IFNL2: variants seen among roughly 807,000 people sequenced by gnomAD.
IFNL2 encodes interferon lambda 2, also known as interferon lambda-2.
In IFNL2, 17 loss-of-function variants were observed where a neutral mutation model predicts 18.7. The ratio of observed to expected loss-of-function variants is 0.91; its 90% CI spans 0.62 to 1.36. The LOEUF (loss-of-function observed/expected upper bound fraction) is 1.36. Among genes scored for constraint, IFNL2 ranks in the 40% most tolerant of loss-of-function variants. The pLI is 0.00. For synonymous variants in IFNL2, 96 were observed against 113.4 expected, an observed-to-expected ratio of 0.85 and a Z score of 0.98; for missense variants, 225 against 257.3, an observed-to-expected ratio of 0.87 and a Z score of 0.86.
rs769950521 is a variant in IFNL2 at position 39,269,180 on chromosome 19, G to C, written c.221G>C (p.Arg74Thr). Residue 74 changes from arginine (R) to threonine (T), a missense_variant, in exon 3 of 6, where the codon AGG becomes ACG. Physicochemically the swap from Arg to Thr is moderately conservative, Grantham distance 71 (BLOSUM62 -1). Transcript: ENST00000331982. ...GAGTCGCTTCTGCTGAAGGACTGCAGGTGCCACTCCCGCCTCTTCCCCAGG... is the reference window on the plus strand; with the variant it reads ...GAGTCGCTTCTGCTGAAGGACTGCACGTGCCACTCCCGCCTCTTCCCCAGG... ...LEESLLLKDC[R>T]CHSRLFPRTW... 8.7e-6 allele frequency: 14 copies of C among 1,611,314 alleles called. No individual in the cohort carries two copies. Among genetic ancestry groups the C allele is most frequent in the Non-Finnish European group, 1.2e-5 (14 of 1,178,864 alleles).
rs1372183888 is a variant in IFNL2 at position 39,269,654 on chromosome 19, TG to T, written c.420+20del. 1 of 1,612,820 alleles carries T rather than the reference TG, an allele frequency of 6.2e-7. No individual in the cohort carries two copies. Among genetic ancestry groups the T allele is most frequent in the African/African-American group, 1.3e-5 (1 of 74,760 alleles). ...CGGGCCTGTGTGAGTCGTTGGGGCCTGGGCACCCAGGTCTGTGAGCTCTGAG... is the reference window on the plus strand; with the variant it reads ...CGGGCCTGTGTGAGTCGTTGGGGCCTGGCACCCAGGTCTGTGAGCTCTGAG... On this transcript the variant is annotated intron_variant, in intron 4 of 5. Coordinates refer to ENST00000331982, the MANE Select transcript of IFNL2 (RefSeq NM_172138.2).
In IFNL2 at chr19:39,269,214, C is replaced by T. The variant is rs755853031; in HGVS notation, c.255C>T (p.Asp85=). The T allele has an allele frequency of 1.2e-6, 2 of 1,611,712 alleles. No homozygotes were observed. Among genetic ancestry groups the T allele is most frequent in the South Asian group, 2.2e-5 (2 of 90,530 alleles). ...CCCGCCTCTTCCCCAGGACCTGGGA[C>T]CTGAGGCAGCTGCAGGTGAGAGGGG... is the stretch of plus-strand genomic sequence containing the variant. ...CHSRLFPRTW[D]LRQLQVRERP... is the part of the protein sequence containing the mutation. The change falls in exon 3 of 6, where the codon GAC becomes GAT. Residue 85 remains aspartate (D), a synonymous_variant. Transcript: ENST00000331982.
At position 39,268,684 on chromosome 19, in the gene IFNL2, T is replaced by C. The variant is rs199818417; in HGVS notation, c.18T>C (p.Thr6=). 6,915 of 1,604,784 alleles carry C rather than the reference T, an allele frequency of 4.3e-3. 406 individuals are homozygous for C. In the African/African-American group the frequency reaches 0.073, roughly 17 times the overall value. The change falls in exon 2 of 6, where the codon ACT becomes ACC. Residue 6 remains threonine (T), a synonymous_variant. Transcript: ENST00000331982. ...TTTCTCTCTGTGACACAGACATGAC[T>C]GGGGACTGCACGCCAGTGCTGGTGC... MKLDM[T]GDCTPVLVLM...
At position 39,269,635 on chromosome 19, in the gene IFNL2, T is replaced by C. The variant is rs2075028359; in HGVS notation, c.418T>C (p.Cys140Arg). 1.2e-6 allele frequency: 2 copies of C among 1,613,904 alleles called. No individual in the cohort carries two copies. Among genetic ancestry groups the C allele is most frequent in the Non-Finnish European group, 1.7e-6 (2 of 1,179,852 alleles). The change falls in exon 4 of 6, where the codon TGT becomes CGT. Residue 140 changes from cysteine (C) to arginine (R), a missense_variant and splice_region_variant. Cys to Arg is a radical substitution (Grantham distance 180). Coordinates refer to ENST00000331982, the MANE Select transcript of IFNL2 (RefSeq NM_172138.2). ...CCATATCCTCTCCCAGTTCCGGGCC[T>C]GTGTGAGTCGTTGGGGCCTGGGCAC... ...LHHILSQFRA[C>R]IQPQPTAGPR...
chr19:39,270,126 C>G lies in IFNL2; in HGVS notation c.*113C>G. ...TTGTGTGTGTAAATCCAACTCACCT[C>G]CAGGAAAATGTTTATTTTTCTACTT... On this transcript the variant is annotated 3_prime_UTR_variant, in exon 6 of 6. Transcript: ENST00000331982. 1 of 1,179,814 alleles carries G rather than the reference C, an allele frequency of 8.5e-7. No individual in the cohort carries two copies. Among genetic ancestry groups the G allele is most frequent in the Non-Finnish European group, 1.2e-6 (1 of 836,766 alleles). The allele number at this position is 1,179,814 out of a possible 1,614,324, so 73.1% of individuals were successfully genotyped here.
At position 39,269,180 on chromosome 19, in the gene IFNL2, G is replaced by A. The variant is rs769950521; in HGVS notation, c.221G>A (p.Arg74Lys). Residue 74 changes from arginine (R) to lysine (K), a missense_variant, in exon 3 of 6, where the codon AGG (arginine) becomes AAG (lysine). Coordinates refer to ENST00000331982, the MANE Select transcript of IFNL2 (RefSeq NM_172138.2). ...GAGTCGCTTCTGCTGAAGGACTGCA[G>A]GTGCCACTCCCGCCTCTTCCCCAGG... The part of the protein sequence containing the change: ...LEESLLLKDC[R>K]CHSRLFPRTW... 1.4e-4 allele frequency: 225 copies of A among 1,611,264 alleles called. No individual in the cohort carries two copies. The East Asian group carries it at 4.0e-3, about 29-fold the overall frequency.
chr19:39,269,523 GGCCCT>G lies in IFNL2; in HGVS notation c.308_312del (p.Ala103AspfsTer10). On this transcript the variant is annotated frameshift_variant, in exon 4 of 6. Transcript: ENST00000331982. LOFTEE classifies it high-confidence loss of function. ...GCCCCATGGCTTTGGAGGCTGAGCT[GGCCCT>G]GACGCTGAAGGTTCTGGAGGCCACC... 2 of 1,614,184 alleles carry G rather than the reference GGCCCT, an allele frequency of 1.2e-6. No individual in the cohort carries two copies. The highest frequency in any genetic ancestry group is 1.7e-6 in the Non-Finnish European group (2 of 1,180,038).
In IFNL2 at chr19:39,269,999, G is replaced by C. The variant is rs765308297; in HGVS notation, c.589G>C (p.Asp197His). 3 of 1,598,672 alleles carry C rather than the reference G, an allele frequency of 1.9e-6. No homozygotes were observed. The highest frequency in any genetic ancestry group is 3.3e-4 in the Middle Eastern group (2 of 6,048). ...TRDLNCVASGDLCV is the reference protein window; with the variant it reads ...TRDLNCVASGHLCV ...AGACCTGAATTGTGTTGCCAGTGGG[G>C]ACCTGTGTGTCTGACCCTCCCACCA... Residue 197 changes from aspartate (D) to histidine (H), a missense_variant, in exon 6 of 6, where the codon GAC becomes CAC. Asp to His is a moderately conservative substitution (Grantham distance 81, BLOSUM62 -1). Coordinates refer to ENST00000331982, the MANE Select transcript of IFNL2 (RefSeq NM_172138.2).
At position 39,268,600 on chromosome 19, in the gene IFNL2, G is replaced by C. The variant is rs181501557; in HGVS notation, c.10+22G>C. The C allele has an allele frequency of 6.2e-6, 10 of 1,613,436 alleles. No individual in the cohort carries two copies. The South Asian group carries it at 9.9e-5, about 16-fold the overall frequency. The stretch of plus-strand genomic sequence containing the variant: ...CTAGGTGAGTCCCACATCTCTGTCC[G>C]TGCTCAGCTCCTGCAGCCCCTGCCC... On this transcript the variant is annotated intron_variant, in intron 1 of 5. Coordinates refer to ENST00000331982, the MANE Select transcript of IFNL2 (RefSeq NM_172138.2).
rs746675668 is a variant in IFNL2 at position 39,268,746 on chromosome 19, C to T, written c.80C>T (p.Pro27Leu). 2.5e-6 allele frequency: 4 copies of T among 1,613,348 alleles called. No homozygotes were observed. The highest frequency in any genetic ancestry group is 3.4e-6 in the Non-Finnish European group (4 of 1,179,856). Reference sequence around the variant, plus strand: ...GTGCTGACCGTGACTGGAGCAGTTCCTGTCGCCAGGCTCCACGGGGCTCTC... The same window carrying T: ...GTGCTGACCGTGACTGGAGCAGTTCTTGTCGCCAGGCTCCACGGGGCTCTC... ...AAVLTVTGAV[P>L]VARLHGALPD... is the part of the protein sequence containing the mutation. Residue 27 changes from proline to leucine, a missense_variant, in exon 2 of 6, where the codon CCT becomes CTT. Transcript: ENST00000331982.
At chr19:39,269,894 C>T in intron 5 of IFNL2, 21 bp from the exon 6 acceptor site, 3 of 1,608,304 alleles carry the variant, frequency 1.9e-6, no homozygotes, top group South Asian at 1.1e-5. Context: ...CAGCCCCTGA[C>T]CCATCCCCTC....
At position 39,268,900 on chromosome 19, in the gene IFNL2, C is replaced by T. The variant is rs565459671; in HGVS notation, c.192+42C>T. On this transcript the variant is annotated intron_variant, in intron 2 of 5. Transcript: ENST00000331982. ...CCTCCTGCCATGGACTAGCCTCCACCCCCACTCCAAGCGTCACCATGCTTT... is the reference window on the plus strand; with the variant it reads ...CCTCCTGCCATGGACTAGCCTCCACTCCCACTCCAAGCGTCACCATGCTTT... 4 of 1,590,246 alleles carry T rather than the reference C, an allele frequency of 2.5e-6. No individual in the cohort carries two copies. In the South Asian group the frequency reaches 3.4e-5, roughly 13 times the overall value.
intron 2 of IFNL2, 103 bp downstream of exon 2, chr19:39,268,961 C>T: frequency 1.4e-6 from 2 of 1,458,408 alleles, no homozygotes; most frequent in Non-Finnish European, 1.9e-6. Flanking sequence ...CTAGCCTCCA[C>T]CCTCCCTGCA....
chr19:39,269,847 T>A, intron 5 of IFNL2, 26 bp downstream of exon 5: 1 of 1,608,538 alleles, frequency 6.2e-7, no homozygotes. Flanking sequence ...AGAGAGGGAC[T>A]GAGGTCTGGG....
Position 39,268,871 on chromosome 19 carries a change from C to T in IFNL2, c.192+13C>T, listed in dbSNP as rs771298925. 6.2e-7 allele frequency: 1 copy of T among 1,604,640 alleles called. No homozygotes were observed. The highest frequency in any genetic ancestry group is 1.3e-5 in the African/African-American group (1 of 74,644). On this transcript the variant is annotated intron_variant, in intron 2 of 5. Coordinates refer to ENST00000331982, the MANE Select transcript of IFNL2 (RefSeq NM_172138.2). Reference sequence around the variant, plus strand: ...CAAAGATGCCTTAGTGAGTCTCCCCCTGCCCTCCTGCCATGGACTAGCCTC... The same window carrying T: ...CAAAGATGCCTTAGTGAGTCTCCCCTTGCCCTCCTGCCATGGACTAGCCTC...
Position 39,269,533 on chromosome 19 carries a change from C to G in IFNL2, c.316C>G (p.Leu106Val). 6.2e-7 allele frequency: 1 copy of G among 1,614,210 alleles called. No individual in the cohort carries two copies. Among genetic ancestry groups the G allele is most frequent in the South Asian group, 1.1e-5 (1 of 91,088 alleles). ...TTTGGAGGCTGAGCTGGCCCTGACG[C>G]TGAAGGTTCTGGAGGCCACCGCTGA... ...MALEAELALT[L>V]KVLEATADTD... The change falls in exon 4 of 6, where the codon CTG (leucine) becomes GTG (valine). Residue 106 changes from leucine to valine, a missense_variant. Transcript: ENST00000331982.
rs772249678 is a variant in IFNL2, at chr19:39,269,487, G to A, written c.271-1G>A. ...ACCTGCTCTTTCTCACCTCTCCTCA[G>A]GTGAGGGAGCGCCCCATGGCTTTGG... On this transcript the variant is annotated splice_acceptor_variant, in intron 3 of 5. Coordinates refer to ENST00000331982, the MANE Select transcript of IFNL2 (RefSeq NM_172138.2). LOFTEE classifies it high-confidence loss of function. The A allele has an allele frequency of 4.0e-5, 64 of 1,614,022 alleles. No individual in the cohort carries two copies. Among genetic ancestry groups the A allele is most frequent in the Non-Finnish European group, 5.0e-5 (59 of 1,180,038 alleles).
chr19:39,269,593 C>T lies in IFNL2; in HGVS notation c.376C>T (p.Pro126Ser), dbSNP rs754270577. The T allele has an allele frequency of 1.2e-6, 2 of 1,614,228 alleles. No individual in the cohort carries two copies. The highest frequency in any genetic ancestry group is 2.2e-5 in the East Asian group (1 of 44,890). ...DPALVDVLDQ[P>S]LHTLHHILSQ... Reference sequence around the variant, plus strand: ...AGCCCTGGTGGACGTCTTGGACCAGCCCCTTCACACCCTGCACCATATCCT... The same window carrying T: ...AGCCCTGGTGGACGTCTTGGACCAGTCCCTTCACACCCTGCACCATATCCT... The change falls in exon 4 of 6, where the codon CCC (proline) becomes TCC (serine). Residue 126 changes from proline to serine, a missense_variant. Transcript: ENST00000331982.
Position 39,269,246 on chromosome 19 carries a change from G to A in IFNL2, c.270+17G>A. On this transcript the variant is annotated intron_variant, in intron 3 of 5. Coordinates refer to ENST00000331982, the MANE Select transcript of IFNL2 (RefSeq NM_172138.2). The stretch of plus-strand genomic sequence containing the variant: ...CAGCTGCAGGTGAGAGGGGGAGTCA[G>A]GCCCACCCCTGCTCTCCCAGCCCCA... 6.2e-7 allele frequency: 1 copy of A among 1,603,418 alleles called. No individual in the cohort carries two copies. The highest frequency in any genetic ancestry group is 8.5e-7 in the Non-Finnish European group (1 of 1,174,964).
Sources: gnomAD v4.1 joint callset for allele counts on GRCh38, gnomAD v4.1.1 for gene constraint, MANE v1.5 for transcripts, NCBI Gene and HGNC (gene_info 2026-07-23, HGNC 2026-07-21) for gene names.